Variants in POU6F2 observed in about 807,000 individuals in gnomAD.
POU6F2 encodes POU domain, class 6, transcription factor 2.
POU6F2 carries 31 observed loss-of-function variants against 71.3 expected under a neutral mutation model. The observed-to-expected ratio is 0.43, with a 90% CI of 0.33 to 0.59. The LOEUF is 0.59. Ranked by LOEUF, POU6F2 falls within the 20% of genes least tolerant of loss-of-function variation. The probability of loss-of-function intolerance (pLI) is 0.04; values close to 1 mark genes in which losing one functional copy is unlikely to be tolerated. For missense variants in POU6F2, 783 were observed against 856.8 expected (o/e 0.91, Z 1.07); for synonymous variants, 347 against 355.7 (o/e 0.98, Z 0.27).
intron 1 of POU6F2, among the ~76,000 whole-genome samples, chr7:39,052,494 CTT>C (rs1790419049): frequency 6.6e-6 from 1 of 152,026 alleles, no homozygotes; most frequent in South Asian, 2.1e-4. Flanking sequence ...ATACCAGACA[CTT>C]ATAAAACCAT....
intron 4 of POU6F2, among the ~76,000 whole-genome samples, chr7:39,278,889 A>T (rs552482328): frequency 6.6e-6 from 1 of 152,158 alleles, no homozygotes; most frequent in Admixed American, 6.5e-5. Context: ...GAGAAGTGAA[A>T]CTCAAACCTC....
At chr7:39,393,834 T>C (rs946464516) in intron 5 of POU6F2, among the ~76,000 whole-genome samples, 5 of 152,220 alleles carry the variant, frequency 3.3e-5, no homozygotes, top group Non-Finnish European at 7.3e-5. Context: ...AACAAAGATA[T>C]TATGCATAAC....
intron 8 of POU6F2, among the ~76,000 whole-genome samples, chr7:39,459,796 G>A (rs1404493929): frequency 1.3e-5 from 2 of 152,042 alleles, no homozygotes; most frequent in Non-Finnish European, 2.9e-5. Flanking sequence ...GCCAGGGGGG[G>A]AAAAGTTTCA....
intron 4 of POU6F2, among the ~76,000 whole-genome samples, chr7:39,211,275 T>C (rs923365908): frequency 6.6e-6 from 1 of 152,154 alleles, no homozygotes; most frequent in Admixed American, 6.5e-5. Flanking sequence ...GAGACTCTTA[T>C]GACAATGGAT....
At chr7:39,378,478 G>A (rs911982025) in intron 5 of POU6F2, among the ~76,000 whole-genome samples, 2 of 152,192 alleles carry the variant, frequency 1.3e-5, no homozygotes, top group African/African-American at 4.8e-5. Flanking sequence ...GTGGCATGAG[G>A]TGGTATGATG....
intron 4 of POU6F2, among the ~76,000 whole-genome samples, chr7:39,242,805 C>T (rs1241468929): frequency 1.3e-5 from 2 of 152,132 alleles, no homozygotes; most frequent in Non-Finnish European, 2.9e-5. Context: ...TACATGCAGG[C>T]ACACGTGTAC....
intron 5 of POU6F2, among the ~76,000 whole-genome samples, chr7:39,369,418 A>G (rs1440372605): frequency 2.0e-5 from 3 of 151,332 alleles, no homozygotes; most frequent in East Asian, 1.9e-4. Flanking sequence ...CTGGAGTGCA[A>G]TGGTGTGATC....
At chr7:39,421,606 T>TG (rs1442682732) in intron 6 of POU6F2, among the ~76,000 whole-genome samples, 1 of 152,200 alleles carries the variant, frequency 6.6e-6, no homozygotes, top group Non-Finnish European at 1.5e-5. Flanking sequence ...TTAAAGCAAT[T>TG]GCCAAACATT....
Position 39,464,524 on chromosome 7 carries a change from C to G in POU6F2, c.2001C>G (p.Thr667=), listed in dbSNP as rs371560771. The G allele has an allele frequency of 1.2e-6, 2 of 1,613,406 alleles. No homozygotes were observed. The highest frequency in any genetic ancestry group is 8.5e-7 in the Non-Finnish European group (1 of 1,179,660). Residue 667 remains threonine, a synonymous_variant, in exon 10 of 10, where the codon ACC becomes ACG. Transcript: ENST00000518318. The surrounding 1 kb of genome is among the most constrained non-coding windows in gnomAD (Gnocchi z 4.1). ...CACACCCTTCTGGGCAGGAAATGAC[C>G]GAAATTGCTGAGAAGCTGAACTATG... The part of the protein sequence containing the change: ...KNTHPSGQEM[T]EIAEKLNYDR...
intron 5 of POU6F2, among the ~76,000 whole-genome samples, chr7:39,405,534 A>G (rs1274182333): frequency 6.6e-6 from 1 of 152,144 alleles, no homozygotes; most frequent in Non-Finnish European, 1.5e-5. Flanking sequence ...CATTATTTCC[A>G]ACACAACAAT....
At chr7:39,085,712 G>C (rs1250999714) in intron 1 of POU6F2, 148 bp from the exon 2 acceptor site, 1 of 804,946 alleles carries the variant, frequency 1.2e-6, no homozygotes. Context: ...AATAACAGCG[G>C]GAGCAGCCAG....
chr7:39,296,994 A>AG (rs913960955), intron 4 of POU6F2, among the ~76,000 whole-genome samples: 2 of 152,206 alleles, frequency 1.3e-5, no homozygotes, highest in African/African-American at 4.8e-5. Context: ...CAATATGTAC[A>AG]GCCCGGAGAG....
intron 1 of POU6F2, chr7:39,002,216 A>T (rs975002888): frequency 4.6e-5 from 7 of 152,248 alleles, no homozygotes; most frequent in Non-Finnish European, 7.3e-5. Flanking sequence ...TAGGTAATGA[A>T]TTCTAGGAGA....
intron 4 of POU6F2, among the ~76,000 whole-genome samples, chr7:39,234,046 G>A (rs1453563862): frequency 1.3e-5 from 2 of 151,934 alleles, no homozygotes; most frequent in East Asian, 1.9e-4. Context: ...TACATCTTTG[G>A]CACGCATATG....
intron 2 of POU6F2, among the ~76,000 whole-genome samples, chr7:39,191,346 T>C (rs922208158): frequency 6.6e-6 from 1 of 152,246 alleles, no homozygotes; most frequent in African/African-American, 2.4e-5. Flanking sequence ...TTGGATACTT[T>C]TTTTTATTAT....
rs188272817 is a variant in POU6F2 at position 39,144,323 on chromosome 7, T to A, written c.277+58292T>A. 1.3e-4 allele frequency among the ~76,000 whole-genome samples: 20 copies of A among 152,326 alleles called. No individual in the cohort carries two copies. In the East Asian group the frequency reaches 2.9e-3, roughly 22 times the overall value. On this transcript the variant is annotated intron_variant, in intron 2 of 9. Transcript: ENST00000518318. ...CTGTTATTTTAAAAAGTTTCTCATATTGCATAATTGGTTCTGAAGAACTAT... is the reference window on the plus strand; with the variant it reads ...CTGTTATTTTAAAAAGTTTCTCATAATGCATAATTGGTTCTGAAGAACTAT...
intron 4 of POU6F2, among the ~76,000 whole-genome samples, chr7:39,322,032 C>T (rs947589412): frequency 6.6e-6 from 1 of 152,150 alleles, no homozygotes; most frequent in Non-Finnish European, 1.5e-5. Context: ...AACTCAAATT[C>T]TCATCCTCCT....
intron 2 of POU6F2, among the ~76,000 whole-genome samples, chr7:39,182,080 A>G (rs894581052): frequency 3.9e-5 from 6 of 152,324 alleles, no homozygotes; most frequent in African/African-American, 1.4e-4. Flanking sequence ...GAAGATTTCA[A>G]TTTTTTTACT....
chr7:39,253,852 T>C (rs908075372), intron 4 of POU6F2, among the ~76,000 whole-genome samples: 2 of 152,146 alleles, frequency 1.3e-5, no homozygotes, highest in African/African-American at 4.8e-5. Context: ...AGCCAAACCA[T>C]TATATTTTTC....
Sources: gnomAD v4.1 joint callset for allele counts (sites outside exome capture counted in the v4.1 genomes callset) on GRCh38, gnomAD v4.1.1 for gene constraint, Gnocchi (gnomAD v3.1) non-coding constraint, MANE v1.5 for transcripts, NCBI Gene and HGNC (gene_info 2026-07-23, HGNC 2026-07-21) for gene names.